The following BMP6 variants were observed in gnomAD, a reference collection of about 807,000 sequenced individuals.
BMP6 encodes bone morphogenetic protein 6, also known as VG-1-R.
A neutral mutation model predicts 54.1 loss-of-function variants in BMP6; 17 were observed. That is an observed-to-expected ratio of 0.31 (90% CI 0.22 to 0.47). BMP6 has a LOEUF of 0.47. Ranked by LOEUF, BMP6 falls within the 20% of genes least tolerant of loss-of-function variation. The pLI is 1.00. For missense variants in BMP6, 720 were observed against 690.4 expected, an observed-to-expected ratio of 1.04 and a Z score of -0.48; for synonymous variants, 328 against 291.2, an observed-to-expected ratio of 1.13 and a Z score of -1.28.
chr6:7,817,117 T>G (rs1016224465), intron 1 of BMP6, among the ~76,000 whole-genome samples: 9 of 152,326 alleles, frequency 5.9e-5, no homozygotes, highest in Middle Eastern at 6.8e-3. Context: ...ATACCTTGCT[T>G]TTTAACTTTA....
At chr6:7,879,357 C>G (rs1375897255) in intron 5 of BMP6, among the ~76,000 whole-genome samples, 1 of 152,140 alleles carries the variant, frequency 6.6e-6, no homozygotes, top group African/African-American at 2.4e-5. Flanking sequence ...CGCTCCAACA[C>G]CTTCCTAGGG....
intron 2 of BMP6, among the ~76,000 whole-genome samples, chr6:7,848,042 T>C (rs1449299710): frequency 6.6e-6 from 1 of 152,214 alleles, no homozygotes; most frequent in African/African-American, 2.4e-5. Flanking sequence ...AAATCTGACT[T>C]AACTGACTCC....
chr6:7,875,654 C>G (rs898275612), intron 4 of BMP6, among the ~76,000 whole-genome samples: 1 of 152,110 alleles, frequency 6.6e-6, no homozygotes, highest in African/African-American at 2.4e-5. Context: ...CGTGACAGAG[C>G]AAAACCCCAT....
chr6:7,878,740 C>T (rs979310035), intron 4 of BMP6, among the ~76,000 whole-genome samples: 4 of 152,246 alleles, frequency 2.6e-5, no homozygotes, highest in Admixed American at 6.5e-5. Context: ...GATGCCTTCC[C>T]GGTCTGGCGC....
intron 1 of BMP6, among the ~76,000 whole-genome samples, chr6:7,798,823 T>A (rs1758229079): frequency 6.6e-6 from 1 of 152,164 alleles, no homozygotes; most frequent in South Asian, 2.1e-4. Context: ...AATAACCAGC[T>A]CAGGAACCAG....
At chr6:7,869,609 C>T (rs577748111) in intron 4 of BMP6, among the ~76,000 whole-genome samples, 3 of 152,242 alleles carry the variant, frequency 2.0e-5, no homozygotes, top group South Asian at 2.1e-4. Context: ...TGCCTTGGGA[C>T]GATTAGGATG....
intron 1 of BMP6, among the ~76,000 whole-genome samples, chr6:7,813,123 AT>A (rs1758463299): frequency 2.5e-5 from 2 of 78,828 alleles, no homozygotes; most frequent in African/African-American, 1.4e-4. Flanking sequence ...ATATATATAT[AT>A]ATATATATAT....
rs560424983 is a variant in BMP6, at chr6:7,880,516, C to T, written c.*173C>T. On this transcript the variant is annotated 3_prime_UTR_variant, in exon 7 of 7. Transcript: ENST00000283147. The stretch of plus-strand genomic sequence containing the variant: ...AAGGACCTCATTAATAATTTGCTCA[C>T]TTGGTAAATGACGTGAGTAGTTGTT... 4 of 890,776 alleles carry T rather than the reference C, an allele frequency of 4.5e-6. No individual in the cohort carries two copies. Among genetic ancestry groups the T allele is most frequent in the East Asian group, 5.2e-5 (2 of 38,722 alleles). 55.2% of individuals were successfully genotyped at this position (890,776 alleles called of 1,614,324 possible).
chr6:7,864,716 T>G (rs188919655), intron 4 of BMP6, among the ~76,000 whole-genome samples: 132 of 152,326 alleles, frequency 8.7e-4, no homozygotes, highest in African/African-American at 2.8e-3. Flanking sequence ...GACATTTTGC[T>G]TCTTGTCATC....
chr6:7,752,999 T>C (rs1311294225), intron 1 of BMP6, among the ~76,000 whole-genome samples: 2 of 152,082 alleles, frequency 1.3e-5, no homozygotes, highest in African/African-American at 4.8e-5. Flanking sequence ...GCTGGTAATA[T>C]TAAGCCCAGA....
chr6:7,853,147 T>C (rs1380384300), intron 2 of BMP6, among the ~76,000 whole-genome samples: 1 of 152,044 alleles, frequency 6.6e-6, no homozygotes, highest in East Asian at 1.9e-4. Context: ...CTCCCTGAGG[T>C]CTTGACCCAT....
intron 1 of BMP6, among the ~76,000 whole-genome samples, chr6:7,746,153 C>G (rs920585947): frequency 6.6e-5 from 10 of 151,986 alleles, no homozygotes; most frequent in Non-Finnish European, 1.3e-4. Flanking sequence ...GCTGCGGGAG[C>G]CCTGAGAGGT....
intron 4 of BMP6, among the ~76,000 whole-genome samples, chr6:7,867,526 C>T (rs1759444340): frequency 6.6e-6 from 1 of 152,222 alleles, no homozygotes; most frequent in African/African-American, 2.4e-5. Flanking sequence ...CCAGAGCTGA[C>T]TGGGTCGGTC....
At chr6:7,831,958 A>C (rs1173030911) in intron 1 of BMP6, among the ~76,000 whole-genome samples, 2 of 152,228 alleles carry the variant, frequency 1.3e-5, no homozygotes, top group East Asian at 3.8e-4. Context: ...GGCACCATGT[A>C]CTAAGCCTTC....
chr6:7,769,155 G>A (rs2113152442), intron 1 of BMP6, among the ~76,000 whole-genome samples: 1 of 152,350 alleles, frequency 6.6e-6, no homozygotes, highest in South Asian at 2.1e-4. Flanking sequence ...AATGTCCCAG[G>A]TAATTTCTAA....
chr6:7,852,342 G>A (rs1759156568), intron 2 of BMP6, among the ~76,000 whole-genome samples: 1 of 152,226 alleles, frequency 6.6e-6, no homozygotes, highest in African/African-American at 2.4e-5. Flanking sequence ...AGAGGCCAAG[G>A]TGGGAGGATT....
At chr6:7,766,517 C>CT (rs1414311874) in intron 1 of BMP6, among the ~76,000 whole-genome samples, 3 of 152,116 alleles carry the variant, frequency 2.0e-5, no homozygotes, top group Non-Finnish European at 2.9e-5. Context: ...ACTTGGGAGG[C>CT]TGAGGCAGGA....
intron 1 of BMP6, among the ~76,000 whole-genome samples, chr6:7,824,626 T>A (rs1251495768): frequency 1.3e-5 from 2 of 152,230 alleles, no homozygotes; most frequent in African/African-American, 4.8e-5. Context: ...GGTAATCTGA[T>A]AATCCCAAAA....
chr6:7,860,588 A>G (rs1250616081), intron 2 of BMP6, among the ~76,000 whole-genome samples: 1 of 152,190 alleles, frequency 6.6e-6, no homozygotes, highest in Non-Finnish European at 1.5e-5. Context: ...TCTTCCCTGA[A>G]GGGCCTAATG....
Sources: allele counts gnomAD v4.1 joint callset (sites outside exome capture counted in the v4.1 genomes callset), GRCh38; gene constraint gnomAD v4.1.1; transcripts MANE v1.5; gene names NCBI Gene and HGNC (gene_info 2026-07-23, HGNC 2026-07-21).